Variants in ZC3H13 observed in about 807,000 individuals in gnomAD.
ZC3H13 encodes zinc finger CCCH domain-containing protein 13.
A neutral mutation model predicts 204.1 loss-of-function variants in ZC3H13; 64 were observed. That is an observed-to-expected ratio of 0.31 (90% CI 0.26 to 0.39). The LOEUF is 0.39. ZC3H13 is among the 10% of genes least tolerant of loss of function. ZC3H13 has a pLI of 1.00. For missense variants in ZC3H13, 1,833 were observed against 2,082.7 expected (o/e 0.88, Z 2.33); for synonymous variants, 667 against 693.7 (o/e 0.96, Z 0.60).
chr13:46,001,976 T>C (rs1488462830), intron 8 of ZC3H13, among the ~76,000 whole-genome samples: 1 of 144,252 alleles, frequency 6.9e-6, no homozygotes, highest in Non-Finnish European at 1.5e-5. Flanking sequence ...ACATATGGAA[T>C]AGGAAAAAAT....
chr13:46,010,323 C>T, intron 7 of ZC3H13, 25 bp downstream of exon 7: 1 of 1,523,034 alleles, frequency 6.6e-7, no homozygotes, highest in Non-Finnish European at 8.9e-7. Context: ...GCTATTTTCT[C>T]GATACTATTT....
rs1234259191 is a variant in ZC3H13, at chr13:45,978,584, G to C, written c.1912+1229C>G. On this transcript the variant is annotated intron_variant, in intron 11 of 18. Coordinates refer to ENST00000679008, the MANE Select transcript of ZC3H13 (RefSeq NM_001330564.2). ...CAAGGATATTGTAAAGACTAAGTCA[G>C]AATATATGTAAAGCAACTATCAAAG... Among the ~76,000 whole-genome samples, 4 of 151,980 alleles carry C rather than the reference G, an allele frequency of 2.6e-5. No individual in the cohort carries two copies. The East Asian group carries it at 7.7e-4, about 29-fold the overall frequency.
chr13:46,003,642 T>G (rs543231080), intron 7 of ZC3H13, among the ~76,000 whole-genome samples: 16 of 146,614 alleles, frequency 1.1e-4, no homozygotes, highest in African/African-American at 4.0e-4. Context: ...GTTTAAACTG[T>G]TTTTTTTTAA....
intron 12 of ZC3H13, 62 bp downstream of exon 12, chr13:45,975,221 A>G: frequency 2.6e-6 from 4 of 1,548,926 alleles, no homozygotes; most frequent in Non-Finnish European, 3.5e-6. Flanking sequence ...AAAGCATTAA[A>G]TGAAACTTTG....
chr13:45,996,392 GA>G (rs1035974750), intron 8 of ZC3H13, among the ~76,000 whole-genome samples: 69 of 151,952 alleles, frequency 4.5e-4, no homozygotes, highest in African/African-American at 1.5e-3. Flanking sequence ...CAATTTACAG[GA>G]AAAAAAATTA....
chr13:45,997,159 T>C (rs989672627), intron 8 of ZC3H13, among the ~76,000 whole-genome samples: 5 of 152,220 alleles, frequency 3.3e-5, no homozygotes, highest in Non-Finnish European at 5.9e-5. Context: ...AAATCAAAGC[T>C]GAGTAAAGTT....
chr13:45,975,309 T>A lies in ZC3H13; in HGVS notation c.2442A>T (p.Arg814Ser). ...TTGATTTTCTTTCATCATGTCCATCTCTTGGATTCCTATCTTCTCGGATCT... is the reference window on the plus strand; with the variant it reads ...TTGATTTTCTTTCATCATGTCCATCACTTGGATTCCTATCTTCTCGGATCT... ...REEIREDRNPRDGHDERKSKK... is the reference protein window; with the variant it reads ...REEIREDRNPSDGHDERKSKK... Residue 814 changes from arginine to serine, a missense_variant, in exon 12 of 19, where the codon AGA (arginine) becomes AGT (serine). Physicochemically the swap from Arg to Ser is moderately radical, Grantham distance 110. Coordinates refer to ENST00000679008, the MANE Select transcript of ZC3H13 (RefSeq NM_001330564.2). The A allele has an allele frequency of 1.2e-6, 2 of 1,612,242 alleles. No individual in the cohort carries two copies. Among genetic ancestry groups the A allele is most frequent in the Non-Finnish European group, 1.7e-6 (2 of 1,178,564 alleles).
At chr13:46,032,695 A>G (rs1954845384) in intron 4 of ZC3H13, among the ~76,000 whole-genome samples, 1 of 152,182 alleles carries the variant, frequency 6.6e-6, no homozygotes, top group Non-Finnish European at 1.5e-5. Flanking sequence ...TAACAATTGC[A>G]TATATTCCCT....
chr13:45,959,609 G>A lies in ZC3H13; in HGVS notation c.4713C>T (p.Leu1571=), dbSNP rs1446784607. 1 of 1,545,062 alleles carries A rather than the reference G, an allele frequency of 6.5e-7. No individual in the cohort carries two copies. The highest frequency in any genetic ancestry group is 2.0e-5 in the Admixed American group (1 of 49,948). Residue 1571 remains leucine, a synonymous_variant, in exon 18 of 19, where the codon CTC becomes CTT. Transcript: ENST00000679008. ...CTTTTCGTAGTAATGCAGCCATATTGAGAGCCCCCAATTCATGTTCAAAGA... is the reference window on the plus strand; with the variant it reads ...CTTTTCGTAGTAATGCAGCCATATTAAGAGCCCCCAATTCATGTTCAAAGA... ...DNLFEHELGA[L]NMAALLRKEE... is the part of the protein sequence containing the mutation.
In ZC3H13 at chr13:45,954,614, G is replaced by C. The variant is rs1319661983; in HGVS notation, c.*2513C>G. ...TAAAAGGGAATATCCTTAAAAGTGGGAGGGGTTCATATAACCTTTTAAAAT... is the reference window on the plus strand; with the variant it reads ...TAAAAGGGAATATCCTTAAAAGTGGCAGGGGTTCATATAACCTTTTAAAAT... On this transcript the variant is annotated 3_prime_UTR_variant, in exon 19 of 19. Transcript: ENST00000679008. 6.6e-6 allele frequency: 1 copy of C among 152,196 alleles called. No individual in the cohort carries two copies. The highest frequency in any genetic ancestry group is 1.5e-5 in the Non-Finnish European group (1 of 68,030). The allele number at this position is 152,196 out of a possible 1,614,324, so 9.4% of individuals were successfully genotyped here.
intron 4 of ZC3H13, among the ~76,000 whole-genome samples, chr13:46,038,143 A>C (rs2043327273): frequency 6.6e-6 from 1 of 151,666 alleles, no homozygotes; most frequent in South Asian, 2.1e-4. Flanking sequence ...GACCACTGAT[A>C]ATCTGGTCCT....
intron 12 of ZC3H13, 77 bp from the exon 13 acceptor site, chr13:45,970,542 T>A: frequency 8.5e-7 from 1 of 1,172,330 alleles, no homozygotes; most frequent in Non-Finnish European, 1.3e-6. Context: ...TACTAGTATC[T>A]CTTTACTATA....
chr13:45,955,395 C>G lies in ZC3H13; in HGVS notation c.*1732G>C, dbSNP rs988405594. On this transcript the variant is annotated 3_prime_UTR_variant, in exon 19 of 19. Transcript: ENST00000679008. ...AGGAATAGTTCTAAATTTTCTTTTGCAACATACATAACAAAAAGATTTCAA... is the reference window on the plus strand; with the variant it reads ...AGGAATAGTTCTAAATTTTCTTTTGGAACATACATAACAAAAAGATTTCAA... 4 of 152,116 alleles carry G rather than the reference C, an allele frequency of 2.6e-5. No individual in the cohort carries two copies. The highest frequency in any genetic ancestry group is 7.2e-5 in the African/African-American group (3 of 41,432). The allele number at this position is 152,116 out of a possible 1,614,324, so 9.4% of individuals were successfully genotyped here.
At chr13:46,048,393 T>C (rs993109777) in intron 1 of ZC3H13, among the ~76,000 whole-genome samples, 5 of 151,258 alleles carry the variant, frequency 3.3e-5, no homozygotes, top group Admixed American at 2.6e-4. Flanking sequence ...CTGGCTAACA[T>C]GGTGAAACCC....
intron 1 of ZC3H13, among the ~76,000 whole-genome samples, chr13:46,046,433 C>T (rs891534075): frequency 2.0e-5 from 3 of 146,632 alleles, no homozygotes; most frequent in Admixed American, 7.0e-5. Context: ...CCGAGGCGGG[C>T]GGATCATGAG....
At chr13:46,010,165 T>C in intron 7 of ZC3H13, 183 bp downstream of exon 7, 1 of 491,820 alleles carries the variant, frequency 2.0e-6, no homozygotes, top group Non-Finnish European at 3.2e-6. Context: ...GTTACACAGA[T>C]GTTTGTTTTA....
chr13:45,971,873 T>C (rs1377454288), intron 12 of ZC3H13, among the ~76,000 whole-genome samples: 1 of 151,764 alleles, frequency 6.6e-6, no homozygotes, highest in Non-Finnish European at 1.5e-5. Context: ...AAAGAAGACA[T>C]ACAAACAGCC....
chr13:45,984,856 T>C lies in ZC3H13; in HGVS notation c.1720+441A>G, dbSNP rs74988511. Among the ~76,000 whole-genome samples, 62 of 152,334 alleles carry C rather than the reference T, an allele frequency of 4.1e-4. 1 individual carries two copies. In the East Asian group the frequency reaches 9.4e-3, roughly 23 times the overall value. ...GCTCAAGATAATGACGTGTGGCAGT[T>C]TGACAGGGTCTGAAGCAAGTACAAA... On this transcript the variant is annotated intron_variant, in intron 10 of 18. Transcript: ENST00000679008.
chr13:45,971,156 G>A (rs907747005), intron 12 of ZC3H13, among the ~76,000 whole-genome samples: 3 of 152,142 alleles, frequency 2.0e-5, no homozygotes, highest in East Asian at 1.9e-4. Context: ...TAATTCATAC[G>A]TTCATTATAT....
Sources: allele counts gnomAD v4.1 joint callset (sites outside exome capture counted in the v4.1 genomes callset), GRCh38; gene constraint gnomAD v4.1.1; transcripts MANE v1.5; gene names NCBI Gene and HGNC (gene_info 2026-07-23, HGNC 2026-07-21).